PRR14L: variants seen among roughly 807,000 people sequenced by gnomAD.
PRR14L encodes proline rich 14 like.
In PRR14L, 80 loss-of-function variants were observed where a neutral mutation model predicts 155.0. The ratio of observed to expected loss-of-function variants is 0.52; its 90% CI spans 0.43 to 0.62. The LOEUF (loss-of-function observed/expected upper bound fraction) is 0.62. PRR14L is among the 20% of genes least tolerant of loss of function. The probability of loss-of-function intolerance (pLI) is 0.00; values close to 1 mark genes in which losing one functional copy is unlikely to be tolerated. For missense variants in PRR14L, 2,469 were observed against 2,548.0 expected, an observed-to-expected ratio of 0.97 and a Z score of 0.67; for synonymous variants, 883 against 916.0, an observed-to-expected ratio of 0.96 and a Z score of 0.65.
At chr22:31,686,545 GC>G (rs1384959422) in intron 8 of PRR14L, among the ~76,000 whole-genome samples, 1 of 151,922 alleles carries the variant, frequency 6.6e-6, no homozygotes, top group African/African-American at 2.4e-5. Flanking sequence ...TCCTACCTGA[GC>G]CTCCCACGTA....
chr22:31,707,350 C>A (rs916476772), intron 4 of PRR14L, among the ~76,000 whole-genome samples: 11 of 148,172 alleles, frequency 7.4e-5, no homozygotes, highest in African/African-American at 2.6e-4. Flanking sequence ...TCTATCCTAA[C>A]CTCAGGAACA....
At chr22:31,735,515 T>C (rs747403199) in intron 2 of PRR14L, among the ~76,000 whole-genome samples, 47 of 151,868 alleles carry the variant, frequency 3.1e-4, no homozygotes, top group Non-Finnish European at 1.9e-4. Context: ...TGTATGTATA[T>C]GTATGCATAT....
At chr22:31,733,998 G>T (rs1362865961) in intron 2 of PRR14L, among the ~76,000 whole-genome samples, 1 of 151,836 alleles carries the variant, frequency 6.6e-6, no homozygotes, top group African/African-American at 2.4e-5. Flanking sequence ...TTTTGAAAGG[G>T]AGTCTCACTC....
At chr22:31,735,634 C>G (rs1373897946) in intron 2 of PRR14L, among the ~76,000 whole-genome samples, 1 of 147,140 alleles carries the variant, frequency 6.8e-6, no homozygotes, top group African/African-American at 2.6e-5. Context: ...TGGCAGGTCC[C>G]TAAATTGGAA....
intron 1 of PRR14L, among the ~76,000 whole-genome samples, chr22:31,744,805 A>C (rs2074829365): frequency 1.3e-5 from 2 of 152,204 alleles, no homozygotes; most frequent in African/African-American, 4.8e-5. Flanking sequence ...GGTCATACAC[A>C]AATACAGGTT....
intron 4 of PRR14L, among the ~76,000 whole-genome samples, chr22:31,705,674 A>G (rs1355287324): frequency 6.6e-6 from 1 of 151,936 alleles, no homozygotes; most frequent in African/African-American, 2.4e-5. Context: ...GCCTGGCCCA[A>G]TTATTTTCTT....
chr22:31,693,864 T>C (rs1157411349), intron 7 of PRR14L, among the ~76,000 whole-genome samples: 1 of 152,246 alleles, frequency 6.6e-6, no homozygotes, highest in Non-Finnish European at 1.5e-5. Context: ...ATTTTGATTA[T>C]TCAATTTTAC....
At chr22:31,741,521 G>A (rs2074813052) in intron 1 of PRR14L, among the ~76,000 whole-genome samples, 1 of 152,114 alleles carries the variant, frequency 6.6e-6, no homozygotes, top group Non-Finnish European at 1.5e-5. Context: ...GATAAACTGT[G>A]TGTACAGGGG....
At chr22:31,708,789 C>G (rs1469140330) in intron 4 of PRR14L, among the ~76,000 whole-genome samples, 1 of 152,048 alleles carries the variant, frequency 6.6e-6, no homozygotes, top group African/African-American at 2.4e-5. Context: ...CTACATCTGG[C>G]TAATTTTTGT....
rs1019551209 is a variant in PRR14L at position 31,683,290 on chromosome 22, A to G, written c.*2237T>C. On this transcript the variant is annotated 3_prime_UTR_variant, in exon 9 of 9. Coordinates refer to ENST00000327423, the MANE Select transcript of PRR14L (RefSeq NM_173566.3). ...GCTGTGCCCACTGTTGTCTCTGGGA[A>G]ACATAGCCGCCACATCACTGCATCT... is the stretch of plus-strand genomic sequence containing the variant. 3 of 152,082 alleles carry G rather than the reference A, an allele frequency of 2.0e-5. No individual in the cohort carries two copies. Among genetic ancestry groups the G allele is most frequent in the African/African-American group, 4.8e-5 (2 of 41,368 alleles). The allele number at this position is 152,082 out of a possible 1,614,324, so 9.4% of individuals were successfully genotyped here.
chr22:31,717,441 T>G, intron 3 of PRR14L, 150 bp from the exon 4 acceptor site: 1 of 643,576 alleles, frequency 1.6e-6, no homozygotes, highest in Non-Finnish European at 2.6e-6. Flanking sequence ...TACCATTGAT[T>G]TTGTTCTTCT....
At chr22:31,743,301 C>CA (rs59447075) in intron 1 of PRR14L, among the ~76,000 whole-genome samples, 1 of 150,826 alleles carries the variant, frequency 6.6e-6, no homozygotes, top group Admixed American at 6.6e-5. Flanking sequence ...AAAGTCTGTC[C>CA]AAAAAAAAGG....
chr22:31,690,718 TACA>T (rs1476029840), intron 7 of PRR14L, among the ~76,000 whole-genome samples: 1 of 151,698 alleles, frequency 6.6e-6, no homozygotes, highest in Non-Finnish European at 1.5e-5. Context: ...CTTGGCTCAC[TACA>T]ACATCTGCCT....
rs1414675806 is a variant in PRR14L at position 31,714,928 on chromosome 22, C to T, written c.2911G>A (p.Asp971Asn). The change falls in exon 4 of 9, where the codon GAC (aspartate) becomes AAC (asparagine). Residue 971 changes from aspartate (D) to asparagine (N), a missense_variant. By Grantham distance (23) the Asp-to-Asn change is conservative. Around this residue, in one of 2 missense-constraint regions of PRR14L, gnomAD observed 2,363 missense variants for 2,371.6 expected, o/e 1.00. Transcript: ENST00000327423. ...GGTCTGTTTTGGTTACTCTGACAGTCAAGGACTTCATCTGCCTTCTGATCG... is the reference window on the plus strand; with the variant it reads ...GGTCTGTTTTGGTTACTCTGACAGTTAAGGACTTCATCTGCCTTCTGATCG... The part of the protein sequence containing the change: ...TLDQKADEVL[D>N]CQSNQNRPDE... 7.7e-6 allele frequency: 12 copies of T among 1,551,898 alleles called. No individual in the cohort carries two copies. The Admixed American group carries it at 2.4e-4, about 30-fold the overall frequency.
chr22:31,748,459 G>C (rs2074852689), intron 1 of PRR14L, among the ~76,000 whole-genome samples: 1 of 151,848 alleles, frequency 6.6e-6, no homozygotes, highest in African/African-American at 2.4e-5. Context: ...ACTGGAAAAT[G>C]CTCCTGATTT....
intron 4 of PRR14L, among the ~76,000 whole-genome samples, chr22:31,710,597 C>A (rs1261584424): frequency 6.6e-6 from 1 of 151,416 alleles, no homozygotes; most frequent in Non-Finnish European, 1.5e-5. Flanking sequence ...GGACTACAGG[C>A]ACCCGCCACT....
chr22:31,687,944 A>G (rs557679400), intron 8 of PRR14L, among the ~76,000 whole-genome samples: 126 of 149,592 alleles, frequency 8.4e-4, no homozygotes, highest in African/African-American at 3.0e-3. Context: ...AGGCAGGAGA[A>G]TGGCGTGAAC....
At chr22:31,700,051 G>A (rs772475767) in intron 7 of PRR14L, among the ~76,000 whole-genome samples, 5 of 152,096 alleles carry the variant, frequency 3.3e-5, no homozygotes, top group Non-Finnish European at 5.9e-5. Context: ...GACCCTTCTC[G>A]GTCTGCGCCA....
intron 7 of PRR14L, among the ~76,000 whole-genome samples, chr22:31,694,280 A>G (rs1400839126): frequency 5.9e-5 from 9 of 152,132 alleles, no homozygotes; most frequent in African/African-American, 2.2e-4. Flanking sequence ...GCGCCTGGCC[A>G]GCTGGTTTCA....
Sources: gnomAD v4.1 joint callset for allele counts (sites outside exome capture counted in the v4.1 genomes callset) on GRCh38, gnomAD v4.1.1 for gene constraint, gnomAD v4.1.1 regional missense constraint, MANE v1.5 for transcripts, NCBI Gene and HGNC (gene_info 2026-07-23, HGNC 2026-07-21) for gene names.